The following SGCD variants were observed in gnomAD, a reference collection of about 807,000 sequenced individuals.
SGCD encodes sarcoglycan delta.
Under a neutral mutation model 36.6 loss-of-function variants are expected in SGCD, and 18 were observed. The observed-to-expected ratio is 0.49, with a 90% CI of 0.34 to 0.73. The LOEUF (loss-of-function observed/expected upper bound fraction) is 0.73. Among genes scored for constraint, SGCD ranks in the 30% least tolerant of loss-of-function variants. SGCD has a pLI of 0.01. For synonymous variants in SGCD, 133 were observed against 130.6 expected, an observed-to-expected ratio of 1.02 and a Z score of -0.12; for missense variants, 387 against 346.7, an observed-to-expected ratio of 1.12 and a Z score of -0.92.
At chr5:156,409,321 G>A (rs1772613406) in intron 3 of SGCD, among the ~76,000 whole-genome samples, 2 of 151,922 alleles carry the variant, frequency 1.3e-5, no homozygotes. Context: ...TAACTGCAAT[G>A]GTCAAACTTC....
intron 1 of SGCD, among the ~76,000 whole-genome samples, chr5:156,111,986 G>A (rs182500346): frequency 6.6e-6 from 1 of 152,202 alleles, no homozygotes; most frequent in South Asian, 2.1e-4. Flanking sequence ...CACCATGTTA[G>A]CCAGGCTGGT....
chr5:156,395,794 C>T (rs549225012), intron 3 of SGCD, among the ~76,000 whole-genome samples: 4 of 152,250 alleles, frequency 2.6e-5, no homozygotes, highest in African/African-American at 4.8e-5. Flanking sequence ...GTGGGCTTTA[C>T]GACCCTGCCC....
chr5:156,363,670 A>G (rs910286555), intron 3 of SGCD, among the ~76,000 whole-genome samples: 1 of 152,206 alleles, frequency 6.6e-6, no homozygotes, highest in Non-Finnish European at 1.5e-5. Flanking sequence ...TTGCAGAGGT[A>G]TTTACAAAGC....
At chr5:156,130,125 C>T (rs1762279414) in intron 3 of SGCD, among the ~76,000 whole-genome samples, 1 of 152,120 alleles carries the variant, frequency 6.6e-6, no homozygotes. Context: ...TAAGTGTTCC[C>T]TTTTCCCTGC....
At chr5:155,785,885 A>G in the SGCD span, among the ~76,000 whole-genome samples, 37 of 152,300 alleles carry the variant, frequency 2.4e-4, no homozygotes, top group Non-Finnish European at 4.0e-4. Flanking sequence ...TGGTCCAGAT[A>G]TTATTACTAT....
At chr5:156,481,128 C>T (rs995891615) in intron 3 of SGCD, among the ~76,000 whole-genome samples, 4 of 152,072 alleles carry the variant, frequency 2.6e-5, no homozygotes, top group Non-Finnish European at 4.4e-5. Context: ...ATAATTAATA[C>T]GGTATAAAAG....
chr5:156,561,846 G>A (rs1759279323), intron 4 of SGCD, among the ~76,000 whole-genome samples: 1 of 152,092 alleles, frequency 6.6e-6, no homozygotes. Flanking sequence ...TCACATTCAT[G>A]ATCTTGGATA....
At chr5:156,441,790 C>T (rs1753502833) in intron 3 of SGCD, among the ~76,000 whole-genome samples, 1 of 152,134 alleles carries the variant, frequency 6.6e-6, no homozygotes, top group Non-Finnish European at 1.5e-5. Context: ...TAGCTCTCTG[C>T]AATTTATTAT....
At chr5:156,181,504 G>T (rs1763606025) in intron 3 of SGCD, among the ~76,000 whole-genome samples, 1 of 152,054 alleles carries the variant, frequency 6.6e-6, no homozygotes, top group Non-Finnish European at 1.5e-5. Flanking sequence ...TAGAATGAAG[G>T]GTACTATTAC....
intron 1 of SGCD, among the ~76,000 whole-genome samples, chr5:155,994,978 T>C (rs2127565895): frequency 6.6e-6 from 1 of 152,302 alleles, no homozygotes; most frequent in South Asian, 2.1e-4. Context: ...GAACGTGGAT[T>C]TGAGCTCAGT....
chr5:156,141,428 A>T (rs539935908), intron 3 of SGCD, among the ~76,000 whole-genome samples: 1 of 152,324 alleles, frequency 6.6e-6, no homozygotes, highest in South Asian at 2.1e-4. Context: ...GTGAGAACTG[A>T]TATGTGGGCT....
At chr5:156,592,059 T>C (rs994847154) in intron 5 of SGCD, among the ~76,000 whole-genome samples, 2 of 152,206 alleles carry the variant, frequency 1.3e-5, no homozygotes, top group Non-Finnish European at 2.9e-5. Flanking sequence ...TGAAGCATAC[T>C]TTCTATACTG....
chr5:156,026,291 A>G (rs1561687031), intron 1 of SGCD, among the ~76,000 whole-genome samples: 1 of 152,234 alleles, frequency 6.6e-6, no homozygotes. Context: ...ATTATCATCA[A>G]TGTTACAGTG....
At chr5:155,804,281 C>T in the SGCD span, among the ~76,000 whole-genome samples, 1 of 152,214 alleles carries the variant, frequency 6.6e-6, no homozygotes, top group African/African-American at 2.4e-5. Context: ...CTATTATCCA[C>T]ATTTTGCATT....
intron 6 of SGCD, among the ~76,000 whole-genome samples, chr5:156,610,676 G>A (rs60524199): frequency 0.012 from 1,838 of 152,344 alleles, 37 homozygotes; most frequent in East Asian, 0.048. Context: ...TCCTTGAGCT[G>A]CGGTGGGCTC....
intron 3 of SGCD, among the ~76,000 whole-genome samples, chr5:156,447,235 G>A (rs1214526120): frequency 6.6e-6 from 1 of 152,144 alleles, no homozygotes; most frequent in Non-Finnish European, 1.5e-5. Context: ...GGTGTGATTT[G>A]GAGCACACCG....
At chr5:156,360,341 T>TA (rs1769720935) in intron 3 of SGCD, among the ~76,000 whole-genome samples, 1 of 151,424 alleles carries the variant, frequency 6.6e-6, no homozygotes, top group Admixed American at 6.6e-5. Context: ...TCTGCTTCCC[T>TA]GGTTCAAGCA....
intron 6 of SGCD, among the ~76,000 whole-genome samples, chr5:156,608,059 T>A (rs943081812): frequency 6.6e-6 from 1 of 152,214 alleles, no homozygotes; most frequent in Admixed American, 6.5e-5. Context: ...TCTGCTCTGA[T>A]CTTAGTTATT....
chr5:155,803,058 A>G, the SGCD span, among the ~76,000 whole-genome samples: 21 of 152,348 alleles, frequency 1.4e-4, 1 homozygote, highest in South Asian at 2.9e-3. Flanking sequence ...CACACAAGCA[A>G]TGGGAAAAAA....
Sources: allele counts gnomAD v4.1 joint callset (sites outside exome capture counted in the v4.1 genomes callset), GRCh38; gene constraint gnomAD v4.1.1; transcripts MANE v1.5; gene names NCBI Gene and HGNC (gene_info 2026-07-23, HGNC 2026-07-21).